Variants in SORCS2 observed in about 807,000 individuals in gnomAD.
SORCS2 encodes sortilin related VPS10 domain containing receptor 2, also known as VPS10 domain-containing receptor SorCS2.
SORCS2 carries 100 observed loss-of-function variants against 141.6 expected under a neutral mutation model. The ratio of observed to expected loss-of-function variants is 0.71; its 90% CI spans 0.60 to 0.83. SORCS2 has a LOEUF of 0.83. SORCS2 is among the 40% of genes least tolerant of loss of function. The pLI is 0.00. For synonymous variants in SORCS2, 789 were observed against 676.9 expected (o/e 1.17, Z -2.57); for missense variants, 1,646 against 1,560.2 (o/e 1.05, Z -0.93).
At chr4:7,539,849 C>A (rs1376301687) in intron 3 of SORCS2, among the ~76,000 whole-genome samples, 5 of 151,500 alleles carry the variant, frequency 3.3e-5, no homozygotes, top group African/African-American at 1.2e-4. Flanking sequence ...CTGCTCCGCC[C>A]CATTCCTGCT....
At chr4:7,686,663 T>A (rs1723897122) in intron 10 of SORCS2, among the ~76,000 whole-genome samples, 1 of 152,224 alleles carries the variant, frequency 6.6e-6, no homozygotes, top group African/African-American at 2.4e-5. Context: ...GGGCTCCTGA[T>A]GCGCACTGGC....
chr4:7,493,946 T>C (rs1395981292), intron 2 of SORCS2, among the ~76,000 whole-genome samples: 1 of 152,198 alleles, frequency 6.6e-6, no homozygotes, highest in Non-Finnish European at 1.5e-5. Context: ...TTAGTTTCCA[T>C]CTGGTGCATT....
intron 3 of SORCS2, among the ~76,000 whole-genome samples, chr4:7,628,652 G>C (rs1577863267): frequency 1.3e-5 from 2 of 152,116 alleles, no homozygotes; most frequent in Admixed American, 6.5e-5. Context: ...AGGCAACCCT[G>C]TTCCCTGACC....
At chr4:7,338,351 CAGTT>C (rs1225905613) in intron 1 of SORCS2, among the ~76,000 whole-genome samples, 7 of 124,588 alleles carry the variant, frequency 5.6e-5, no homozygotes, top group African/African-American at 6.6e-5. Context: ...GGATGGATGT[CAGTT>C]GGATGGATGG....
intron 3 of SORCS2, among the ~76,000 whole-genome samples, chr4:7,546,119 G>A (rs1226982190): frequency 2.0e-5 from 3 of 152,066 alleles, no homozygotes; most frequent in African/African-American, 4.8e-5. Flanking sequence ...TTGGGATTAG[G>A]GGTTCAGCCT....
intron 5 of SORCS2, among the ~76,000 whole-genome samples, chr4:7,659,408 C>T (rs747039728): frequency 2.0e-5 from 3 of 152,188 alleles, no homozygotes; most frequent in Non-Finnish European, 2.9e-5. Flanking sequence ...CGTATGAAGC[C>T]GTGACCCTAG....
chr4:7,394,471 C>T (rs1553854595), intron 1 of SORCS2, among the ~76,000 whole-genome samples: 1 of 144,530 alleles, frequency 6.9e-6, no homozygotes, highest in Non-Finnish European at 1.5e-5. Flanking sequence ...TGGTGTGAGT[C>T]AGGCTGAGAT....
intron 2 of SORCS2, among the ~76,000 whole-genome samples, chr4:7,439,279 C>T (rs558205665): frequency 2.0e-5 from 3 of 152,156 alleles, no homozygotes; most frequent in African/African-American, 7.2e-5. Flanking sequence ...ACTTCCAACA[C>T]TCAGTGCAGT....
In SORCS2 at chr4:7,712,811, C is replaced by A. The variant is rs780348114; in HGVS notation, c.1947C>A (p.Cys649Ter). The change falls in exon 15 of 27, where the codon TGC (cysteine) becomes TGA (stop). Residue 649 changes from cysteine to a stop codon, truncating the protein, a stop_gained. Coordinates refer to ENST00000507866, the MANE Select transcript of SORCS2 (RefSeq NM_020777.3). LOFTEE classifies it high-confidence loss of function. ...TCCGGCCCTCATTCTCCAGGCAGTG[C>A]GGCGAGGAGGACTACAGCTCCTGGG... ...VDFRPSFSRQ[C>*]GEEDYSSWEL... is the part of the protein sequence containing the mutation. The A allele has an allele frequency of 6.2e-7, 1 of 1,613,936 alleles. No homozygotes were observed. The highest frequency in any genetic ancestry group is 8.5e-7 in the Non-Finnish European group (1 of 1,179,880).
chr4:7,560,401 A>G (rs1328174260), intron 3 of SORCS2, among the ~76,000 whole-genome samples: 1 of 152,044 alleles, frequency 6.6e-6, no homozygotes, highest in East Asian at 1.9e-4. Flanking sequence ...AAGAAAGAAG[A>G]CAGACCCCGC....
chr4:7,538,504 C>T (rs1712311097), intron 3 of SORCS2, among the ~76,000 whole-genome samples: 1 of 152,154 alleles, frequency 6.6e-6, no homozygotes, highest in South Asian at 2.1e-4. Flanking sequence ...GGAATTTCTT[C>T]CAAGCATTGT....
chr4:7,246,492 C>T (rs1013067311), intron 1 of SORCS2, among the ~76,000 whole-genome samples: 1 of 151,830 alleles, frequency 6.6e-6, no homozygotes, highest in African/African-American at 2.4e-5. Flanking sequence ...TCACCTGGGG[C>T]TTAAATGAAC....
chr4:7,643,858 A>G (rs571082591), intron 4 of SORCS2, among the ~76,000 whole-genome samples: 1 of 152,152 alleles, frequency 6.6e-6, no homozygotes, highest in Admixed American at 6.5e-5. Flanking sequence ...CAGCAGAGCT[A>G]CAAGCTTCGA....
intron 3 of SORCS2, among the ~76,000 whole-genome samples, chr4:7,625,127 T>C (rs1719437279): frequency 6.6e-6 from 1 of 152,242 alleles, no homozygotes; most frequent in Non-Finnish European, 1.5e-5. Flanking sequence ...TTCTCAAGGA[T>C]GTTTCCTGGC....
chr4:7,361,338 CAAG>C (rs760365480), intron 1 of SORCS2, among the ~76,000 whole-genome samples: 7 of 152,204 alleles, frequency 4.6e-5, no homozygotes, highest in East Asian at 1.9e-4. Flanking sequence ...CACCCCTTGA[CAAG>C]AAGGAGAGGG....
chr4:7,721,734 C>A (rs1726601209), intron 18 of SORCS2, among the ~76,000 whole-genome samples: 1 of 152,176 alleles, frequency 6.6e-6, no homozygotes, highest in Non-Finnish European at 1.5e-5. Context: ...GCTGAATTGT[C>A]CTGTCTCTTT....
chr4:7,711,666 G>C (rs1439084496), intron 14 of SORCS2, among the ~76,000 whole-genome samples: 3 of 152,238 alleles, frequency 2.0e-5, no homozygotes, highest in African/African-American at 7.2e-5. Context: ...CATTCTGAGT[G>C]ATGGGCACAC....
At chr4:7,244,014 G>A (rs1389352366) in intron 1 of SORCS2, among the ~76,000 whole-genome samples, 4 of 152,342 alleles carry the variant, frequency 2.6e-5, no homozygotes, top group East Asian at 1.9e-4. Flanking sequence ...GTGTTGAGTC[G>A]TCTCCTCTGC....
intron 1 of SORCS2, among the ~76,000 whole-genome samples, chr4:7,338,768 T>C (rs371749760): frequency 3.9e-5 from 6 of 152,258 alleles, no homozygotes; most frequent in African/African-American, 1.2e-4. Context: ...AACCATTTAA[T>C]TAATCCCAAG....
Sources: gnomAD v4.1 joint callset for allele counts (sites outside exome capture counted in the v4.1 genomes callset) on GRCh38, gnomAD v4.1.1 for gene constraint, MANE v1.5 for transcripts, NCBI Gene and HGNC (gene_info 2026-07-23, HGNC 2026-07-21) for gene names.